Variants in LPIN3 observed in about 807,000 individuals in gnomAD.
LPIN3 encodes phosphatidate phosphatase LPIN3.
LPIN3 carries 82 observed loss-of-function variants against 94.7 expected under a neutral mutation model. The observed-to-expected ratio is 0.87, with a 90% CI of 0.72 to 1.04. The LOEUF (loss-of-function observed/expected upper bound fraction) is 1.04, where lower values mean the gene tolerates loss of function less well. LPIN3 is among the 50% of genes least tolerant of loss of function. The pLI, the probability that LPIN3 is intolerant of heterozygous loss-of-function variation, is 0.00. For synonymous variants in LPIN3, 418 were observed against 443.3 expected, an observed-to-expected ratio of 0.94 and a Z score of 0.72; for missense variants, 996 against 1,090.5, an observed-to-expected ratio of 0.91 and a Z score of 1.22.
intron 12 of LPIN3, 30 bp downstream of exon 12, chr20:41,354,767 A>AG: frequency 6.2e-7 from 1 of 1,610,526 alleles, no homozygotes; most frequent in East Asian, 2.2e-5. Context: ...GGCCAGGGCC[A>AG]GGGCCAGCAC....
chr20:41,357,351 C>T lies in LPIN3; in HGVS notation c.1953-10C>T. ...GCTGCCTTGGAGTAACCCTTCCTCT[C>T]TCACTCTAGGTCAGATGCTCTGGGC... On this transcript the variant is annotated splice_polypyrimidine_tract_variant and intron_variant, in intron 15 of 19. Coordinates refer to ENST00000373257, the MANE Select transcript of LPIN3 (RefSeq NM_022896.3). 6.2e-7 allele frequency: 1 copy of T among 1,613,428 alleles called. No homozygotes were observed. The highest frequency in any genetic ancestry group is 8.5e-7 in the Non-Finnish European group (1 of 1,179,542).
In LPIN3 at chr20:41,358,512, T is replaced by C; in HGVS notation, c.2381T>C (p.Ile794Thr). Residue 794 changes from isoleucine (I) to threonine (T), a missense_variant, in exon 19 of 20, where the codon ATC (isoleucine) becomes ACC (threonine). Transcript: ENST00000373257. Reference sequence around the variant, plus strand: ...ACAGTCAACCCCCGGGGAGAGCTCATCCAGGAGCTCATAAAGAACCACAAA... The same window carrying C: ...ACAGTCAACCCCCGGGGAGAGCTCACCCAGGAGCTCATAAAGAACCACAAA... The part of the protein sequence containing the change: ...IFTVNPRGEL[I>T]QELIKNHKST... The C allele has an allele frequency of 3.1e-6, 5 of 1,614,048 alleles. No homozygotes were observed. Among genetic ancestry groups the C allele is most frequent in the Non-Finnish European group, 4.2e-6 (5 of 1,179,996 alleles).
In LPIN3 at chr20:41,343,918, C is replaced by T. The variant is rs570155686; in HGVS notation, c.-8-1878C>T. Among the ~76,000 whole-genome samples, 11 of 152,156 alleles carry T rather than the reference C, an allele frequency of 7.2e-5. No individual in the cohort carries two copies. The South Asian group carries it at 2.1e-3, about 29-fold the overall frequency. ...CTACAAAAGAAATTTAAAAGTTAGC[C>T]AGTTATGGTGGTACATGCCTGTAGT... On this transcript the variant is annotated intron_variant, in intron 1 of 19. Transcript: ENST00000373257.
At chr20:41,352,920 G>T in intron 11 of LPIN3, 53 bp downstream of exon 11, 1 of 1,590,090 alleles carries the variant, frequency 6.3e-7, no homozygotes. Context: ...ATAGACTCAG[G>T]GCACGGAGAC....
intron 16 of LPIN3, 147 bp from the exon 17 acceptor site, chr20:41,357,735 C>T: frequency 9.1e-7 from 1 of 1,094,230 alleles, no homozygotes; most frequent in Non-Finnish European, 1.3e-6. Context: ...GCTGAGTCCA[C>T]TGCCTGGCCG....
Position 41,349,819 on chromosome 20 carries a change from G to A in LPIN3, c.684G>A (p.Leu228=). ...CATCCCCTAAGAGCGACTCGGAGCT[G>A]GAGGTGCGGACCCCGGAGCCCAGTC... is the stretch of plus-strand genomic sequence containing the variant. ...ELTSPKSDSE[L]EVRTPEPSPL... is the part of the protein sequence containing the mutation. The change falls in exon 6 of 20, where the codon CTG becomes CTA. Residue 228 remains leucine, a synonymous_variant. Coordinates refer to ENST00000373257, the MANE Select transcript of LPIN3 (RefSeq NM_022896.3). 1 of 1,613,724 alleles carries A rather than the reference G, an allele frequency of 6.2e-7. No homozygotes were observed.
intron 11 of LPIN3, 80 bp from the exon 12 acceptor site, chr20:41,354,565 G>A (rs558588966): frequency 7.9e-6 from 11 of 1,391,572 alleles, no homozygotes; most frequent in East Asian, 4.7e-5. Flanking sequence ...GGGCTCATGC[G>A]TGGAGGGTCC....
chr20:41,347,502 G>A, intron 2 of LPIN3, 50 bp from the exon 3 acceptor site: 1 of 1,580,482 alleles, frequency 6.3e-7, no homozygotes, highest in Admixed American at 1.7e-5. Context: ...CCTGTGGTCG[G>A]AAGCATGGGC....
In LPIN3 at chr20:41,346,126, C is replaced by T. The variant is rs914613154; in HGVS notation, c.192+131C>T. 1.9e-5 allele frequency: 18 copies of T among 954,794 alleles called. No individual in the cohort carries two copies. In the African/African-American group the frequency reaches 2.5e-4, roughly 13 times the overall value. 59.1% of individuals were successfully genotyped at this position (954,794 alleles called of 1,614,324 possible). A position where few individuals can be genotyped will look rare whatever the true frequency, so the allele number is the denominator to read the frequency against. ...TCTGTCCTCTGGACAGGCTTCCCTT[C>T]ATTTGTACTTTCTTTGAAGGTTTTT... On this transcript the variant is annotated intron_variant, in intron 2 of 19. Coordinates refer to ENST00000373257, the MANE Select transcript of LPIN3 (RefSeq NM_022896.3).
At chr20:41,355,095 A>G (rs1297532519) in intron 13 of LPIN3, among the ~76,000 whole-genome samples, 1 of 151,508 alleles carries the variant, frequency 6.6e-6, no homozygotes, top group African/African-American at 2.4e-5. Flanking sequence ...GCTCACTGCA[A>G]CCTCCACCTC....
rs781597763 is a variant in LPIN3 at position 41,357,376 on chromosome 20, C to T, written c.1968C>T (p.Gly656=). ...DGTITKSDAL[G]HILPQLGKDW... ...CTCACTCTAGGTCAGATGCTCTGGG[C>T]CATATCCTGCCCCAGCTGGGGAAAG... is the stretch of plus-strand genomic sequence containing the variant. The change falls in exon 16 of 20, where the codon GGC becomes GGT. Residue 656 remains glycine (G), a synonymous_variant. Transcript: ENST00000373257. 2 of 1,613,926 alleles carry T rather than the reference C, an allele frequency of 1.2e-6. No homozygotes were observed. Among genetic ancestry groups the T allele is most frequent in the Non-Finnish European group, 1.7e-6 (2 of 1,179,856 alleles).
Position 41,350,157 on chromosome 20 carries a change from G to C in LPIN3, c.862G>C (p.Ala288Pro). The C allele has an allele frequency of 6.2e-7, 1 of 1,612,676 alleles. No homozygotes were observed. Among genetic ancestry groups the C allele is most frequent in the Non-Finnish European group, 8.5e-7 (1 of 1,179,790 alleles). Residue 288 changes from alanine to proline, a missense_variant, in exon 7 of 20, where the codon GCT becomes CCT. Transcript: ENST00000373257. ...ACCCAGCACTCCCTCTACCTCTGTG[G>C]CTGGCGGCGTGGACCCTTTGGGACT... ...GGPSTPSTSVAGGVDPLGLPI... is the reference protein window; with the variant it reads ...GGPSTPSTSVPGGVDPLGLPI...
At chr20:41,347,708 C>A in intron 3 of LPIN3, 61 bp downstream of exon 3, 2 of 1,437,552 alleles carry the variant, frequency 1.4e-6, no homozygotes, top group Non-Finnish European at 9.6e-7. Context: ...CTCTTCTGGG[C>A]AGAGCCTTGG....
chr20:41,350,920 A>T (rs1219392314), intron 7 of LPIN3, among the ~76,000 whole-genome samples: 2 of 152,150 alleles, frequency 1.3e-5, no homozygotes, highest in African/African-American at 4.8e-5. Flanking sequence ...GTGCTGTCCA[A>T]ATCAGTAGCC....
Position 41,360,164 on chromosome 20 carries a change from T to C in LPIN3, c.*1298T>C, listed in dbSNP as rs527980150. 11 of 152,704 alleles carry C rather than the reference T, an allele frequency of 7.2e-5. No homozygotes were observed. The highest frequency in any genetic ancestry group is 5.9e-4 in the Admixed American group (9 of 15,304). 9.5% of individuals were successfully genotyped at this position (152,704 alleles called of 1,614,324 possible). ...GTGTCAAGAGTCTCTGGGAACTGCA[T>C]AGGCCTGAGGAACATGCATTTTCAA... On this transcript the variant is annotated 3_prime_UTR_variant, in exon 20 of 20. Coordinates refer to ENST00000373257, the MANE Select transcript of LPIN3 (RefSeq NM_022896.3).
chr20:41,349,099 T>C lies in LPIN3; in HGVS notation c.565T>C (p.Leu189=). 1 of 1,614,170 alleles carries C rather than the reference T, an allele frequency of 6.2e-7. No individual in the cohort carries two copies. The highest frequency in any genetic ancestry group is 8.5e-7 in the Non-Finnish European group (1 of 1,180,038). ...CTTGTGGCCCCTTAGCAGTGTCCAG[T>C]TGGAAGAGAAGTCTTCACTGCAGCC... ...KLRPEPPGVQ[L]EEKSSLQPKD... is the part of the protein sequence containing the mutation. Residue 189 remains leucine, a synonymous_variant, in exon 5 of 20, where the codon TTG becomes CTG. Coordinates refer to ENST00000373257, the MANE Select transcript of LPIN3 (RefSeq NM_022896.3).
At position 41,360,190 on chromosome 20, in the gene LPIN3, G is replaced by GT. The variant is rs2046341065; in HGVS notation, c.*1326dup. On this transcript the variant is annotated 3_prime_UTR_variant, in exon 20 of 20. Transcript: ENST00000373257. Reference sequence around the variant, plus strand: ...AGGCCTGAGGAACATGCATTTTCAAGTTGTCCATTGATGGTTTCGTACCTG... The same window carrying GT: ...AGGCCTGAGGAACATGCATTTTCAAGTTTGTCCATTGATGGTTTCGTACCTG... 6.6e-6 allele frequency: 1 copy of GT among 152,616 alleles called. No individual in the cohort carries two copies. The allele number at this position is 152,616 out of a possible 1,614,324, so 9.5% of individuals were successfully genotyped here. A position where few individuals can be genotyped will look rare whatever the true frequency, so the allele number is the denominator to read the frequency against.
At chr20:41,347,523 A>G in intron 2 of LPIN3, 29 bp from the exon 3 acceptor site, 5 of 1,608,274 alleles carry the variant, frequency 3.1e-6, no homozygotes, top group Non-Finnish European at 4.3e-6. Context: ...GTGAAGGCCC[A>G]TGTCCCTGCC....
chr20:41,350,069 G>A lies in LPIN3; in HGVS notation c.774G>A (p.Glu258=), dbSNP rs942803480. ...WGRLPKVARA[E]RPESSVVLEG... is the part of the protein sequence containing the mutation. Reference sequence around the variant, plus strand: ...TTCCACTAAAGGTGGCCAGAGCTGAGCGGCCCGAGTCCTCAGTGGTCCTTG... The same window carrying A: ...TTCCACTAAAGGTGGCCAGAGCTGAACGGCCCGAGTCCTCAGTGGTCCTTG... Residue 258 remains glutamate, a synonymous_variant, in exon 7 of 20, where the codon GAG becomes GAA. Coordinates refer to ENST00000373257, the MANE Select transcript of LPIN3 (RefSeq NM_022896.3). The A allele has an allele frequency of 1.8e-5, 28 of 1,599,976 alleles. No homozygotes were observed. In the East Asian group the frequency reaches 6.1e-4, roughly 35 times the overall value.
Sources: gnomAD v4.1 joint callset for allele counts (sites outside exome capture counted in the v4.1 genomes callset) on GRCh38, gnomAD v4.1.1 for gene constraint, MANE v1.5 for transcripts, NCBI Gene and HGNC (gene_info 2026-07-23, HGNC 2026-07-21) for gene names.